Variants in MYH2 observed in about 807,000 individuals in gnomAD.
MYH2 encodes myosin-2.
In MYH2, 139 loss-of-function variants were observed where a neutral mutation model predicts 228.1. The ratio of observed to expected loss-of-function variants is 0.61; its 90% CI spans 0.53 to 0.70. The LOEUF is 0.70. Among genes scored for constraint, MYH2 ranks in the 30% least tolerant of loss-of-function variants. MYH2 has a pLI of 0.00. For synonymous variants in MYH2, 796 were observed against 871.1 expected, an observed-to-expected ratio of 0.91 and a Z score of 1.52; for missense variants, 1,809 against 2,357.5, an observed-to-expected ratio of 0.77 and a Z score of 4.82.
At chr17:10,538,969 A>G (rs532908299) in intron 14 of MYH2, among the ~76,000 whole-genome samples, 1 of 152,262 alleles carries the variant, frequency 6.6e-6, no homozygotes, top group South Asian at 2.1e-4. Flanking sequence ...CCACTGTACT[A>G]AGCTAATTCA....
intron 21 of MYH2, among the ~76,000 whole-genome samples, chr17:10,532,704 T>C (rs2142304636): frequency 6.6e-6 from 1 of 152,204 alleles, no homozygotes; most frequent in East Asian, 1.9e-4. Context: ...GAAATGGTCC[T>C]GATCACAGAC....
chr17:10,523,929 G>A (rs772610268), intron 35 of MYH2, 45 bp from the exon 36 acceptor site: 1 of 1,579,006 alleles, frequency 6.3e-7, no homozygotes, highest in South Asian at 1.2e-5. Flanking sequence ...TGTTACCAAA[G>A]TATTTATTGG....
rs2073397675 is a variant in MYH2 at position 10,529,461 on chromosome 17, T to C, written c.3138A>G (p.Gln1046=). 6.2e-7 allele frequency: 1 copy of C among 1,614,128 alleles called. No individual in the cohort carries two copies. The highest frequency in any genetic ancestry group is 8.5e-7 in the Non-Finnish European group (1 of 1,180,042). ...QVDDLEGSLE[Q]EKKLRMDLER... is the part of the protein sequence containing the mutation. ...CTAGGTCCATGCGAAGTTTCTTTTC[T>C]TGCTCCAAGGACCCTTCAAGCTAAA... Residue 1046 remains glutamine (Q), a synonymous_variant, in exon 25 of 40, where the codon CAA becomes CAG. Coordinates refer to ENST00000245503, the MANE Select transcript of MYH2 (RefSeq NM_017534.6).
At position 10,529,471 on chromosome 17, in the gene MYH2, G is replaced by A. The variant is rs200217946; in HGVS notation, c.3128C>T (p.Ser1043Phe). The A allele has an allele frequency of 3.4e-4, 552 of 1,614,028 alleles. 3 individuals are homozygous for A. Among genetic ancestry groups the A allele is most frequent in the Admixed American group, 2.5e-3 (151 of 59,996 alleles). ...LEQQVDDLEG[S>F]LEQEKKLRMD... ...GCGAAGTTTCTTTTCTTGCTCCAAG[G>A]ACCCTTCAAGCTAAATATAAATTAT... Residue 1043 changes from serine to phenylalanine, a missense_variant, in exon 25 of 40, where the codon TCC becomes TTC. Transcript: ENST00000245503.
rs754150715 is a variant in MYH2 at position 10,533,330 on chromosome 17, C to T, written c.2396G>A (p.Arg799Lys). ...QLITRTQARCRGFLARVEYQR... is the reference protein window; with the variant it reads ...QLITRTQARCKGFLARVEYQR... Reference sequence around the variant, plus strand: ...GTACTCCACTCTTGCCAAGAACCCTCTGCACCTGGCCTGGGTTCGGGTAAT... The same window carrying T: ...GTACTCCACTCTTGCCAAGAACCCTTTGCACCTGGCCTGGGTTCGGGTAAT... Residue 799 changes from arginine to lysine, a missense_variant, in exon 21 of 40, where the codon AGA becomes AAA. Arg to Lys is a conservative substitution (Grantham distance 26). This residue lies in a region of MYH2 where 276 missense variants were observed against 344.2 expected (regional missense o/e 0.80). Transcript: ENST00000245503. 7 of 1,614,124 alleles carry T rather than the reference C, an allele frequency of 4.3e-6. No homozygotes were observed. The African/African-American group carries it at 5.3e-5, about 12-fold the overall frequency.
intron 17 of MYH2, among the ~76,000 whole-genome samples, chr17:10,536,100 T>C (rs1284620230): frequency 6.6e-6 from 1 of 152,204 alleles, no homozygotes; most frequent in Non-Finnish European, 1.5e-5. Flanking sequence ...GTAATTTAAA[T>C]CCCTTCTTTC....
Position 10,525,865 on chromosome 17 carries a change from G to C in MYH2, c.4199C>G (p.Ala1400Gly). ...TTCCTCAGCTGCCTGCAGCCGCTGGGCCAGCTTCTTCCTTGAATATTATAC... is the reference window on the plus strand; with the variant it reads ...TTCCTCAGCTGCCTGCAGCCGCTGGCCCAGCTTCTTCCTTGAATATTATAC... ...EELEEAKKKL[A>G]QRLQAAEEHV... Residue 1400 changes from alanine to glycine, a missense_variant, in exon 31 of 40, where the codon GCC becomes GGC. Physicochemically the swap from Ala to Gly is moderately conservative, Grantham distance 60. Around this residue, in one of 9 missense-constraint regions of MYH2, gnomAD observed 636 missense variants for 729.9 expected, o/e 0.87. Coordinates refer to ENST00000245503, the MANE Select transcript of MYH2 (RefSeq NM_017534.6). This position sits in a 1 kb window ranked among gnomAD's most constrained non-coding sequence, Gnocchi z 4.2. The C allele has an allele frequency of 6.2e-7, 1 of 1,614,150 alleles. No homozygotes were observed. The highest frequency in any genetic ancestry group is 8.5e-7 in the Non-Finnish European group (1 of 1,180,000).
intron 28 of MYH2, among the ~76,000 whole-genome samples, 175 bp from the exon 29 acceptor site, chr17:10,527,231 G>C (rs2073366687): frequency 6.6e-6 from 1 of 152,218 alleles, no homozygotes; most frequent in African/African-American, 2.4e-5. Flanking sequence ...GAAACTTTCA[G>C]ATCAATCGGA....
intron 30 of MYH2, among the ~76,000 whole-genome samples, chr17:10,526,347 A>G (rs903487482): frequency 3.9e-5 from 6 of 152,212 alleles, no homozygotes; most frequent in African/African-American, 1.4e-4. Context: ...TGTGCTTGAC[A>G]AACAGCAATG....
chr17:10,524,727 G>A lies in MYH2; in HGVS notation c.4971+30C>T, dbSNP rs1597447886. The A allele has an allele frequency of 6.2e-7, 1 of 1,614,178 alleles. No individual in the cohort carries two copies. Among genetic ancestry groups the A allele is most frequent in the African/African-American group, 1.3e-5 (1 of 75,038 alleles). ...TCTCAGGGTTGCAGGCACCCCAATA[G>A]TCCTGGGACCATCTCTTGGACATAT... On this transcript the variant is annotated intron_variant, in intron 34 of 39. Transcript: ENST00000245503. This position sits in a 1 kb window ranked among gnomAD's most constrained non-coding sequence, Gnocchi z 4.7.
In MYH2 at chr17:10,529,270, A is replaced by C. The variant is rs1201701964; in HGVS notation, c.3264-18T>G. The stretch of plus-strand genomic sequence containing the variant: ...ACTCTTTCCTTTTAGAAAAGTAGCA[A>C]AGGACAACAATTTAGTCCGTATCTA... On this transcript the variant is annotated intron_variant, in intron 25 of 39. Coordinates refer to ENST00000245503, the MANE Select transcript of MYH2 (RefSeq NM_017534.6). 1 of 1,614,064 alleles carries C rather than the reference A, an allele frequency of 6.2e-7. No individual in the cohort carries two copies. Among genetic ancestry groups the C allele is most frequent in the African/African-American group, 1.3e-5 (1 of 74,942 alleles).
In MYH2 at chr17:10,523,168, C is replaced by T. The variant is rs1173455486; in HGVS notation, c.5595G>A (p.Lys1865=). The T allele has an allele frequency of 1.2e-6, 2 of 1,613,700 alleles. No individual in the cohort carries two copies. Among genetic ancestry groups the T allele is most frequent in the Admixed American group, 3.3e-5 (2 of 60,002 alleles). ...CCAAATCTTGAAGCCTGAGAATATT[C>T]TTTCTATCTTCTTCCGTCTGAAAGA... The part of the protein sequence containing the change: ...ELTYQTEEDR[K]NILRLQDLVD... The change falls in exon 39 of 40, where the codon AAG becomes AAA. Residue 1865 remains lysine, a synonymous_variant. Transcript: ENST00000245503.
chr17:10,531,933 T>C, intron 21 of MYH2, 45 bp from the exon 22 acceptor site: 1 of 1,610,806 alleles, frequency 6.2e-7, no homozygotes, highest in Non-Finnish European at 8.5e-7. Flanking sequence ...GTTGATGCAA[T>C]GGGATGAAAC....
At chr17:10,546,250 C>G (rs547714264) in intron 4 of MYH2, among the ~76,000 whole-genome samples, 1 of 40,692 alleles carries the variant, frequency 2.5e-5, no homozygotes, top group Non-Finnish European at 4.4e-5. Context: ...AAACAGGACA[C>G]GAAATGATAT....
chr17:10,537,105 C>G lies in MYH2; in HGVS notation c.1897+128G>C, dbSNP rs1034252957. ...AATGTATAATTACAAGGCTGCCTAT[C>G]TATTCAATACTTGGAGGAACCAGGG... is the stretch of plus-strand genomic sequence containing the variant. On this transcript the variant is annotated intron_variant, in intron 16 of 39. Transcript: ENST00000245503. This position sits in a 1 kb window ranked among gnomAD's most constrained non-coding sequence, Gnocchi z 4.0. 5 of 1,243,762 alleles carry G rather than the reference C, an allele frequency of 4.0e-6. No individual in the cohort carries two copies. In the African/African-American group the frequency reaches 4.4e-5, roughly 11 times the overall value. 77.0% of individuals were successfully genotyped at this position (1,243,762 alleles called of 1,614,324 possible). A position where few individuals can be genotyped will look rare whatever the true frequency, so the allele number is the denominator to read the frequency against.
chr17:10,547,112 A>G (rs1462540067), intron 4 of MYH2, among the ~76,000 whole-genome samples: 20 of 152,148 alleles, frequency 1.3e-4, no homozygotes, highest in Admixed American at 1.3e-3. Context: ...AAAATAGTTT[A>G]AAGTGTTAAA....
chr17:10,547,455 C>T lies in MYH2; in HGVS notation c.348+20G>A, dbSNP rs755605827. 24 of 1,613,808 alleles carry T rather than the reference C, an allele frequency of 1.5e-5. No individual in the cohort carries two copies. Among genetic ancestry groups the T allele is most frequent in the Middle Eastern group, 1.6e-4 (1 of 6,084 alleles). On this transcript the variant is annotated intron_variant, in intron 4 of 39. Coordinates refer to ENST00000245503, the MANE Select transcript of MYH2 (RefSeq NM_017534.6). ...GGTACATGAGGATGATTATACAGAG[C>T]ACTGGCAGGGGACACTCACGTAGAT...
At chr17:10,526,450 A>G (rs911477645) in intron 30 of MYH2, 149 bp downstream of exon 30, 26 of 1,303,368 alleles carry the variant, frequency 2.0e-5, no homozygotes, top group Non-Finnish European at 2.5e-5. Flanking sequence ...TGATTTATTC[A>G]TGTCTTATTC....
chr17:10,530,023 T>C lies in MYH2; in HGVS notation c.2749A>G (p.Thr917Ala). 1 of 1,614,198 alleles carries C rather than the reference T, an allele frequency of 6.2e-7. No homozygotes were observed. Among genetic ancestry groups the C allele is most frequent in the South Asian group, 1.1e-5 (1 of 91,084 alleles). The change falls in exon 23 of 40, where the codon ACC becomes GCC. Residue 917 changes from threonine (T) to alanine (A), a missense_variant. Physicochemically the swap from Thr to Ala is moderately conservative, Grantham distance 58. This residue lies in a region of MYH2 where 43 missense variants were observed against 89.2 expected (regional missense o/e 0.48). Coordinates refer to ENST00000245503, the MANE Select transcript of MYH2 (RefSeq NM_017534.6). ...ATTTTGGCTTCTAGCTGGATTTTGG[T>C]TTTGATTAGCTGGTCACACCTTTCC... ...AEERCDQLIKTKIQLEAKIKE... is the reference protein window; with the variant it reads ...AEERCDQLIKAKIQLEAKIKE...
Sources: gnomAD v4.1 joint callset for allele counts (sites outside exome capture counted in the v4.1 genomes callset) on GRCh38, gnomAD v4.1.1 for gene constraint, gnomAD v4.1.1 regional missense constraint, Gnocchi (gnomAD v3.1) non-coding constraint, MANE v1.5 for transcripts, NCBI Gene and HGNC (gene_info 2026-07-23, HGNC 2026-07-21) for gene names.